Variants in PCGF3 observed in about 807,000 individuals in gnomAD.
PCGF3 encodes polycomb group RING finger protein 3.
PCGF3 carries 7 observed loss-of-function variants against 33.1 expected under a neutral mutation model. The ratio of observed to expected loss-of-function variants is 0.21; its 90% CI spans 0.12 to 0.40. The LOEUF (loss-of-function observed/expected upper bound fraction) is 0.40, where lower values mean the gene tolerates loss of function less well. Ranked by LOEUF, PCGF3 falls within the 10% of genes least tolerant of loss-of-function variation. The probability of loss-of-function intolerance (pLI) is 1.00; values close to 1 mark genes in which losing one functional copy is unlikely to be tolerated. For missense variants in PCGF3, 211 were observed against 313.3 expected (o/e 0.67, Z 2.46); for synonymous variants, 153 against 121.3 (o/e 1.26, Z -1.72).
In PCGF3 at chr4:739,768, G is replaced by A. The variant is rs374130133; in HGVS notation, c.262+2247G>A. ...GTGTGCGTCCAGCCTGGAGCAGGTTGTATGTTCTCGTCCACCTCAGCACGC... is the reference window on the plus strand; with the variant it reads ...GTGTGCGTCCAGCCTGGAGCAGGTTATATGTTCTCGTCCACCTCAGCACGC... On this transcript the variant is annotated intron_variant, in intron 6 of 10. Transcript: ENST00000362003. Among the ~76,000 whole-genome samples the A allele has an allele frequency of 2.3e-4, 35 of 152,312 alleles. No homozygotes were observed. The East Asian group carries it at 4.1e-3, about 18-fold the overall frequency.
chr4:723,121 C>A (rs1422142872), intron 1 of PCGF3, among the ~76,000 whole-genome samples: 2 of 150,974 alleles, frequency 1.3e-5, no homozygotes, highest in Non-Finnish European at 3.0e-5. Context: ...CATCGCCGTC[C>A]GTGCCGGGTC....
chr4:717,077 TGA>T, intron 1 of PCGF3, among the ~76,000 whole-genome samples: 1 of 129,276 alleles, frequency 7.7e-6, no homozygotes, highest in Non-Finnish European at 1.6e-5. Context: ...CTGTAGACAC[TGA>T]GTGTGAGAAC....
chr4:713,776 A>G (rs560718517), intron 1 of PCGF3, among the ~76,000 whole-genome samples: 1 of 152,312 alleles, frequency 6.6e-6, no homozygotes, highest in South Asian at 2.1e-4. Flanking sequence ...GATGCCGCCC[A>G]GGAATCAGAC....
chr4:711,087 C>G (rs1473473394), intron 1 of PCGF3, among the ~76,000 whole-genome samples: 1 of 152,254 alleles, frequency 6.6e-6, no homozygotes, highest in African/African-American at 2.4e-5. Context: ...AGCCTCTGCT[C>G]CTAGCCCACA....
chr4:709,069 GT>G, intron 1 of PCGF3, among the ~76,000 whole-genome samples: 1 of 152,320 alleles, frequency 6.6e-6, no homozygotes, highest in East Asian at 1.9e-4. Flanking sequence ...GGTCTATGCT[GT>G]CCTTTGACTA....
intron 6 of PCGF3, among the ~76,000 whole-genome samples, chr4:740,565 G>A (rs1744043248): frequency 6.6e-6 from 1 of 151,882 alleles, no homozygotes; most frequent in East Asian, 1.9e-4. Context: ...CTCTTTCCAT[G>A]GATCCTGAAC....
At chr4:715,974 A>G (rs1157513153) in intron 1 of PCGF3, among the ~76,000 whole-genome samples, 2 of 113,648 alleles carry the variant, frequency 1.8e-5, no homozygotes, top group Admixed American at 8.8e-5. Flanking sequence ...GGGACCCTGA[A>G]GACACTGAGT....
At chr4:736,173 G>C (rs1380625418) in intron 5 of PCGF3, among the ~76,000 whole-genome samples, 1 of 151,924 alleles carries the variant, frequency 6.6e-6, no homozygotes, top group African/African-American at 2.4e-5. Context: ...TCAGCCTCCC[G>C]AGTAGCTGGA....
chr4:730,278 A>T (rs574154439), intron 1 of PCGF3, among the ~76,000 whole-genome samples: 1 of 151,912 alleles, frequency 6.6e-6, no homozygotes, highest in Non-Finnish European at 1.5e-5. Flanking sequence ...ATTTGCCCAG[A>T]TCACCCCTGA....
At chr4:765,666 G>A (rs988615850) in intron 10 of PCGF3, among the ~76,000 whole-genome samples, 3 of 152,146 alleles carry the variant, frequency 2.0e-5, no homozygotes, top group Non-Finnish European at 4.4e-5. Context: ...CACCTCAGCT[G>A]GTGTTGCTGC....
chr4:766,122 G>A lies in PCGF3; in HGVS notation c.*43G>A, dbSNP rs765332768. 8 of 1,570,896 alleles carry A rather than the reference G, an allele frequency of 5.1e-6. No homozygotes were observed. In the South Asian group the frequency reaches 6.7e-5, roughly 13 times the overall value. ...CCACAGACTGGGCCCTCGCACCCTT[G>A]GGTGCTCCCGGCCGCCGCGCTTAAG... is the stretch of plus-strand genomic sequence containing the variant. On this transcript the variant is annotated 3_prime_UTR_variant, in exon 11 of 11. Coordinates refer to ENST00000362003, the Ensembl canonical transcript of PCGF3.
intron 9 of PCGF3, chr4:764,779 T>G (rs1560221674): frequency 7.4e-6 from 4 of 543,778 alleles, no homozygotes; most frequent in Non-Finnish European, 1.3e-5. Context: ...GGATTTCCGT[T>G]CAGCTGTGAG....
At chr4:713,675 A>G (rs1742681022) in intron 1 of PCGF3, among the ~76,000 whole-genome samples, 1 of 152,282 alleles carries the variant, frequency 6.6e-6, no homozygotes. Context: ...CCCGTATTAG[A>G]TGCTCAATAA....
chr4:729,693 C>T (rs1170950767), intron 1 of PCGF3, among the ~76,000 whole-genome samples: 3 of 152,210 alleles, frequency 2.0e-5, no homozygotes, highest in Non-Finnish European at 4.4e-5. Context: ...TTCCCTTCTT[C>T]CTCCCTTTTT....
At position 734,514 on chromosome 4, in the gene PCGF3, T is replaced by C. The variant is rs1435117492; in HGVS notation, c.110-417T>C. 5 of 1,206,208 alleles carry C rather than the reference T, an allele frequency of 4.1e-6. No individual in the cohort carries two copies. In the South Asian group the frequency reaches 1.5e-4, roughly 37 times the overall value. 74.7% of individuals were successfully genotyped at this position (1,206,208 alleles called of 1,614,324 possible). ...TAACGTTAATCGTATTTTTAGATATTGGTTAGCATATTTTATGTTAGGTTA... is the reference window on the plus strand; with the variant it reads ...TAACGTTAATCGTATTTTTAGATATCGGTTAGCATATTTTATGTTAGGTTA... On this transcript the variant is annotated intron_variant, in intron 4 of 10. Transcript: ENST00000362003.
exon 11 of PCGF3, chr4:769,302 T>C (rs1402879956): frequency 6.5e-6 from 1 of 152,726 alleles, no homozygotes; most frequent in African/African-American, 2.4e-5. Context: ...TTCACAGCGA[T>C]TCAAAGGGTG....
At chr4:710,038 G>T (rs144897269) in intron 1 of PCGF3, among the ~76,000 whole-genome samples, 62 of 152,230 alleles carry the variant, frequency 4.1e-4, no homozygotes, top group African/African-American at 1.4e-3. Context: ...GGCTTTTAGA[G>T]GTGTGTTTTA....
chr4:758,877 C>T (rs1577442590), intron 8 of PCGF3, among the ~76,000 whole-genome samples: 4 of 6,204 alleles, frequency 6.4e-4, no homozygotes, highest in Admixed American at 1.1e-3. Context: ...TTCCGGACTC[C>T]GGGTCTTTCT....
chr4:764,967 ACCT>A lies in PCGF3; in HGVS notation c.601-13_601-11del, dbSNP rs1560221835. Reference sequence around the variant, plus strand: ...TGAGCACCTCTCCGCTGCTAATCAAACCTCCTTATCCCCCAGCTGGACATTTTA... The same window carrying A: ...TGAGCACCTCTCCGCTGCTAATCAAACCTTATCCCCCAGCTGGACATTTTA... On this transcript the variant is annotated splice_polypyrimidine_tract_variant and intron_variant, in intron 9 of 10. Transcript: ENST00000362003. 3.1e-6 allele frequency: 5 copies of A among 1,606,168 alleles called. No homozygotes were observed. The highest frequency in any genetic ancestry group is 2.2e-5 in the East Asian group (1 of 44,838).
Sources: gnomAD v4.1 joint callset for allele counts (sites outside exome capture counted in the v4.1 genomes callset) on GRCh38, gnomAD v4.1.1 for gene constraint, MANE v1.5 for transcripts, NCBI Gene and HGNC (gene_info 2026-07-23, HGNC 2026-07-21) for gene names.